SEZ6L: variants seen among roughly 807,000 people sequenced by gnomAD.
SEZ6L encodes seizure 6-like protein.
A neutral mutation model predicts 106.2 loss-of-function variants in SEZ6L; 37 were observed. The observed-to-expected ratio is 0.35, with a 90% CI of 0.27 to 0.46. The LOEUF (loss-of-function observed/expected upper bound fraction) is 0.46. Among genes scored for constraint, SEZ6L ranks in the 20% least tolerant of loss-of-function variants. SEZ6L has a pLI of 1.00. For synonymous variants in SEZ6L, 541 were observed against 570.4 expected (o/e 0.95, Z 0.73); for missense variants, 1,172 against 1,332.8 (o/e 0.88, Z 1.88).
At chr22:26,304,480 A>G (rs2081574937) in intron 5 of SEZ6L, among the ~76,000 whole-genome samples, 2 of 152,218 alleles carry the variant, frequency 1.3e-5, no homozygotes, top group African/African-American at 4.8e-5. Context: ...GTACGTGAGA[A>G]AACAATTTCC....
intron 13 of SEZ6L, among the ~76,000 whole-genome samples, chr22:26,370,637 C>T (rs1361765134): frequency 6.6e-6 from 1 of 151,636 alleles, no homozygotes; most frequent in African/African-American, 2.4e-5. Context: ...ACACCTTTCC[C>T]TAGTCTTATA....
At chr22:26,301,783 G>T (rs1601432771) in intron 5 of SEZ6L, among the ~76,000 whole-genome samples, 1 of 152,150 alleles carries the variant, frequency 6.6e-6, no homozygotes, top group Admixed American at 6.5e-5. Context: ...ACATGCTAAG[G>T]TTCAGAGGTC....
At chr22:26,235,976 T>G (rs1036764774) in intron 1 of SEZ6L, among the ~76,000 whole-genome samples, 1 of 152,244 alleles carries the variant, frequency 6.6e-6, no homozygotes, top group Non-Finnish European at 1.5e-5. Flanking sequence ...GAAGATGCTC[T>G]CATAACATCA....
intron 1 of SEZ6L, among the ~76,000 whole-genome samples, chr22:26,197,991 A>G (rs561288269): frequency 2.0e-5 from 3 of 152,332 alleles, no homozygotes; most frequent in African/African-American, 7.2e-5. Flanking sequence ...GGCTTTGGTG[A>G]CACCAGATCT....
chr22:26,319,900 G>C (rs543621021), intron 9 of SEZ6L, among the ~76,000 whole-genome samples: 2 of 152,300 alleles, frequency 1.3e-5, no homozygotes, highest in South Asian at 4.1e-4. Context: ...TTCAAAGCGA[G>C]AATTTGAACC....
At chr22:26,261,422 G>A (rs771513179) in intron 1 of SEZ6L, among the ~76,000 whole-genome samples, 1 of 152,184 alleles carries the variant, frequency 6.6e-6, no homozygotes, top group Non-Finnish European at 1.5e-5. Context: ...GGTGACTGAT[G>A]AGGATCCAGT....
At chr22:26,288,009 A>G (rs1024118290) in intron 1 of SEZ6L, among the ~76,000 whole-genome samples, 3 of 152,146 alleles carry the variant, frequency 2.0e-5, no homozygotes, top group African/African-American at 7.2e-5. Context: ...GCACCCTTGT[A>G]CCCTGGGGGA....
chr22:26,296,950 C>T lies in SEZ6L; in HGVS notation c.1032C>T (p.Thr344=), dbSNP rs375660013. ...CCATCCGCGGGGTGGACGGCCCTAC[C>T]CTGACCGTCCTGGCCAACCAGACAC... ...LLSIRGVDGP[T]LTVLANQTLL... is the part of the protein sequence containing the mutation. Residue 344 remains threonine, a synonymous_variant, in exon 4 of 17, where the codon ACC becomes ACT. Coordinates refer to ENST00000248933, the MANE Select transcript of SEZ6L (RefSeq NM_021115.5). The T allele has an allele frequency of 2.5e-6, 4 of 1,613,966 alleles. No homozygotes were observed. Among genetic ancestry groups the T allele is most frequent in the Non-Finnish European group, 3.4e-6 (4 of 1,179,992 alleles).
At chr22:26,181,141 C>A (rs1427980179) in intron 1 of SEZ6L, among the ~76,000 whole-genome samples, 1 of 152,188 alleles carries the variant, frequency 6.6e-6, no homozygotes. Flanking sequence ...CTGCACAACT[C>A]CAGAGGGAGC....
intron 1 of SEZ6L, among the ~76,000 whole-genome samples, chr22:26,205,997 C>A (rs1421106939): frequency 1.3e-5 from 2 of 152,128 alleles, no homozygotes; most frequent in East Asian, 3.9e-4. Context: ...TTACAGTGAT[C>A]TTCCCCTAAA....
chr22:26,273,012 A>G lies in SEZ6L; in HGVS notation c.95-19394A>G, dbSNP rs148894417. On this transcript the variant is annotated intron_variant, in intron 1 of 16. Transcript: ENST00000248933. ...ACAATGCATGTAAAACACTTAGCAC[A>G]TTGTAAGGCTGAAAAAGTGGTAGCC... 3.8e-3 allele frequency among the ~76,000 whole-genome samples: 572 copies of G among 152,348 alleles called. 3 individuals carry two copies. The highest frequency in any genetic ancestry group is 0.013 in the African/African-American group (533 of 41,584).
chr22:26,319,045 G>A (rs1457692245), intron 9 of SEZ6L, among the ~76,000 whole-genome samples: 3 of 151,980 alleles, frequency 2.0e-5, no homozygotes, highest in African/African-American at 7.3e-5. Context: ...ATGACAACAG[G>A]CTCTCCAAAT....
At chr22:26,188,822 G>C (rs1407718710) in intron 1 of SEZ6L, among the ~76,000 whole-genome samples, 1 of 152,146 alleles carries the variant, frequency 6.6e-6, no homozygotes, top group African/African-American at 2.4e-5. Context: ...GAGAATTCAG[G>C]AATCTAAGGG....
rs1027477211 is a variant in SEZ6L at position 26,383,011 on chromosome 22, C to T, written c.*2716C>T. 1.3e-5 allele frequency: 2 copies of T among 151,242 alleles called. No individual in the cohort carries two copies. The highest frequency in any genetic ancestry group is 2.9e-5 in the Non-Finnish European group (2 of 67,986). The allele number at this position is 151,242 out of a possible 1,614,324, so 9.4% of individuals were successfully genotyped here. On this transcript the variant is annotated 3_prime_UTR_variant, in exon 17 of 17. Coordinates refer to ENST00000248933, the MANE Select transcript of SEZ6L (RefSeq NM_021115.5). The stretch of plus-strand genomic sequence containing the variant: ...TATAAGCTGTATCTGTCAGCTACCA[C>T]CCTGTGCTTTAAAAATGCACACACT...
intron 1 of SEZ6L, 43 bp downstream of exon 1, chr22:26,169,806 C>T (rs1226903009): frequency 3.9e-6 from 4 of 1,032,918 alleles, no homozygotes; most frequent in Non-Finnish European, 5.0e-6. Flanking sequence ...GCAAAGTTGC[C>T]GGGAGAGCGG....
chr22:26,343,248 T>C (rs2082900975), intron 10 of SEZ6L, among the ~76,000 whole-genome samples: 1 of 150,614 alleles, frequency 6.6e-6, no homozygotes. Context: ...CACTGAAAGA[T>C]GAGGTCATGG....
intron 8 of SEZ6L, among the ~76,000 whole-genome samples, chr22:26,312,566 A>G (rs2081872200): frequency 6.6e-6 from 1 of 152,098 alleles, no homozygotes; most frequent in Non-Finnish European, 1.5e-5. Flanking sequence ...TAGAACCCTC[A>G]TCTACACAGG....
chr22:26,299,325 T>G (rs1346387763), intron 5 of SEZ6L, among the ~76,000 whole-genome samples, 156 bp downstream of exon 5: 2 of 152,178 alleles, frequency 1.3e-5, no homozygotes, highest in Non-Finnish European at 2.9e-5. Flanking sequence ...ATGTTTTTAT[T>G]GGAGTAAAAT....
intron 1 of SEZ6L, among the ~76,000 whole-genome samples, chr22:26,185,708 T>C (rs1939729089): frequency 6.6e-6 from 1 of 152,084 alleles, no homozygotes; most frequent in Non-Finnish European, 1.5e-5. Context: ...TGCTAAACCC[T>C]TTACTCACAT....
Sources: allele counts gnomAD v4.1 joint callset (sites outside exome capture counted in the v4.1 genomes callset), GRCh38; gene constraint gnomAD v4.1.1; transcripts MANE v1.5; gene names NCBI Gene and HGNC (gene_info 2026-07-23, HGNC 2026-07-21).